SERPINB2: variants seen among roughly 807,000 people sequenced by gnomAD.
SERPINB2 encodes the protein plasminogen activator inhibitor 2.
Under a neutral mutation model 39.4 loss-of-function variants are expected in SERPINB2, and 28 were observed. That is an observed-to-expected ratio of 0.71 (90% confidence interval 0.53 to 0.97). The LOEUF is 0.97. Among genes scored for constraint, SERPINB2 ranks in the 50% least tolerant of loss-of-function variants. SERPINB2 has a pLI of 0.00. For synonymous variants in SERPINB2, 209 were observed against 175.1 expected (o/e 1.19, Z -1.53); for missense variants, 557 against 505.3 (o/e 1.10, Z -0.98).
intron 4 of SERPINB2, 54 bp downstream of exon 4, chr18:63,897,273 C>T: frequency 1.3e-6 from 2 of 1,581,968 alleles, no homozygotes; most frequent in South Asian, 1.2e-5. Flanking sequence ...AATGAAGTCA[C>T]TTTCAAAGCA....
chr18:63,901,708 T>C (rs1173500045), intron 5 of SERPINB2, 32 bp from the exon 6 acceptor site: 2 of 1,463,804 alleles, frequency 1.4e-6, no homozygotes, highest in Non-Finnish European at 1.8e-6. Flanking sequence ...TTCTTGATTA[T>C]GAAACCTAAA....
Position 63,903,190 on chromosome 18 carries a change from C to G in SERPINB2, c.1133C>G (p.Thr378Arg). The G allele has an allele frequency of 6.2e-7, 1 of 1,613,616 alleles. No individual in the cohort carries two copies. The highest frequency in any genetic ancestry group is 8.5e-7 in the Non-Finnish European group (1 of 1,179,710). The change falls in exon 8 of 8, where the codon ACA becomes AGA. Residue 378 changes from threonine (T) to arginine (R), a missense_variant. Physicochemically the swap from Thr to Arg is moderately conservative, Grantham distance 71. Transcript: ENST00000299502. ...EAAAGTGGVM[T>R]GRTGHGGPQF... The stretch of plus-strand genomic sequence containing the variant: ...GCCGCTGGCACAGGAGGTGTTATGA[C>G]AGGGAGAACTGGACATGGAGGCCCA...
chr18:63,891,463 G>T lies in SERPINB2; in HGVS notation c.19G>T (p.Ala7Ser). The T allele has an allele frequency of 2.5e-6, 4 of 1,614,004 alleles. No individual in the cohort carries two copies. Among genetic ancestry groups the T allele is most frequent in the Non-Finnish European group, 3.4e-6 (4 of 1,179,976 alleles). The change falls in exon 2 of 8, where the codon GCA becomes TCA. Residue 7 changes from alanine (A) to serine (S), a missense_variant. Ala to Ser is a moderately conservative substitution (Grantham distance 99). Coordinates refer to ENST00000299502, the MANE Select transcript of SERPINB2 (RefSeq NM_002575.3). MEDLCV[A>S]NTLFALNLFK... is the part of the protein sequence containing the mutation. ...TGAAACAATGGAGGATCTTTGTGTG[G>T]CAAACACACTCTTTGCCCTCAATTT...
Position 63,902,893 on chromosome 18 carries a change from C to G in SERPINB2, c.844-8C>G. 6.4e-7 allele frequency: 1 copy of G among 1,569,638 alleles called. No individual in the cohort carries two copies. The highest frequency in any genetic ancestry group is 8.6e-7 in the Non-Finnish European group (1 of 1,157,830). ...CTTTTGTTTGTTTTGTTTTGTTTTG[C>G]TTTGCAGCTGGAAAGTGAAATAACC... On this transcript the variant is annotated splice_polypyrimidine_tract_variant and splice_region_variant and intron_variant, in intron 7 of 7. Coordinates refer to ENST00000299502, the MANE Select transcript of SERPINB2 (RefSeq NM_002575.3).
intron 1 of SERPINB2, among the ~76,000 whole-genome samples, chr18:63,888,247 A>G (rs1028251810): frequency 2.0e-5 from 3 of 152,266 alleles, no homozygotes; most frequent in Non-Finnish European, 2.9e-5. Flanking sequence ...TTAAGTAGCA[A>G]TTTGGGCTGG....
intron 5 of SERPINB2, among the ~76,000 whole-genome samples, chr18:63,901,217 C>T (rs533730055): frequency 1.6e-3 from 249 of 152,192 alleles, no homozygotes; most frequent in Admixed American, 2.4e-3. Context: ...GAATGTCTCC[C>T]CCAGTGTTCT....
intron 4 of SERPINB2, 109 bp from the exon 5 acceptor site, chr18:63,897,618 A>G: frequency 1.2e-6 from 1 of 854,932 alleles, no homozygotes; most frequent in South Asian, 1.4e-5. Context: ...CTCCACTCCC[A>G]CCCTACCCCA....
chr18:63,888,121 A>G (rs2049904337), intron 1 of SERPINB2, among the ~76,000 whole-genome samples: 1 of 152,256 alleles, frequency 6.6e-6, no homozygotes, highest in Non-Finnish European at 1.5e-5. Flanking sequence ...GGAAACAACT[A>G]GATACATTAA....
intron 5 of SERPINB2, among the ~76,000 whole-genome samples, chr18:63,901,045 T>G (rs1368166456): frequency 1.3e-5 from 2 of 152,154 alleles, no homozygotes; most frequent in Admixed American, 6.6e-5. Context: ...AACTGCTTCT[T>G]AAACCAATTT....
intron 2 of SERPINB2, among the ~76,000 whole-genome samples, chr18:63,893,221 C>A (rs961915568): frequency 1.3e-5 from 2 of 152,164 alleles, no homozygotes; most frequent in Non-Finnish European, 2.9e-5. Flanking sequence ...AGCCAGTGCA[C>A]CCGGCCTAGG....
intron 6 of SERPINB2, 91 bp downstream of exon 6, chr18:63,901,973 C>A: frequency 1.6e-6 from 2 of 1,244,474 alleles, no homozygotes; most frequent in Non-Finnish European, 2.2e-6. Flanking sequence ...TCATTATAGA[C>A]TTGCTAGTTA....
chr18:63,891,297 C>A (rs943232771), intron 1 of SERPINB2, 139 bp from the exon 2 acceptor site: 18 of 875,014 alleles, frequency 2.1e-5, no homozygotes, highest in Non-Finnish European at 3.0e-5. Flanking sequence ...CCCTGACCTG[C>A]CTCATGTTGT....
chr18:63,890,335 TTCCTCCTGGGTACTTCCAGCCCC>T (rs2144693821), intron 1 of SERPINB2, among the ~76,000 whole-genome samples: 1 of 152,298 alleles, frequency 6.6e-6, no homozygotes, highest in Non-Finnish European at 1.5e-5. Context: ...GAGGACATGC[TTCCTCCTGGGTACTTCCAGCCCC>T]TCCCCAGTTC....
intron 2 of SERPINB2, among the ~76,000 whole-genome samples, chr18:63,892,214 G>A (rs940239): frequency 7.2e-5 from 11 of 152,124 alleles, no homozygotes; most frequent in South Asian, 4.1e-4. Context: ...CACGGTAGCA[G>A]AATGAGACCT....
intron 5 of SERPINB2, among the ~76,000 whole-genome samples, chr18:63,899,660 G>A (rs568179281): frequency 2.1e-4 from 32 of 152,208 alleles, no homozygotes; most frequent in Non-Finnish European, 2.9e-4. Context: ...CACTGGTAGC[G>A]GTAAAGCCAG....
intron 4 of SERPINB2, 53 bp downstream of exon 4, chr18:63,897,272 A>G (rs1336513623): frequency 6.3e-7 from 1 of 1,584,166 alleles, no homozygotes; most frequent in Non-Finnish European, 8.6e-7. Context: ...TAATGAAGTC[A>G]CTTTCAAAGC....
At chr18:63,891,111 A>G (rs1449571490) in intron 1 of SERPINB2, among the ~76,000 whole-genome samples, 2 of 152,196 alleles carry the variant, frequency 1.3e-5, no homozygotes, top group Admixed American at 6.5e-5. Flanking sequence ...GCTGCTCATC[A>G]TACAAAACAC....
intron 1 of SERPINB2, among the ~76,000 whole-genome samples, chr18:63,889,295 C>A (rs779390115): frequency 8.5e-5 from 13 of 152,102 alleles, no homozygotes; most frequent in Non-Finnish European, 8.8e-5. Flanking sequence ...TTGAAACTAT[C>A]TTTTTTGAAA....
At chr18:63,900,961 A>G (rs912981790) in intron 5 of SERPINB2, among the ~76,000 whole-genome samples, 1 of 152,120 alleles carries the variant, frequency 6.6e-6, no homozygotes, top group Admixed American at 6.6e-5. Flanking sequence ...CACTAATAAA[A>G]CCCACCTAAT....
Sources: allele counts gnomAD v4.1 joint callset (sites outside exome capture counted in the v4.1 genomes callset), GRCh38; gene constraint gnomAD v4.1.1; transcripts MANE v1.5; gene names NCBI Gene and HGNC (gene_info 2026-07-23, HGNC 2026-07-21).